Variants in SOX5 observed in about 807,000 individuals in gnomAD.
SOX5 encodes SRY-box transcription factor 5, also known as transcription factor SOX-5.
A neutral mutation model predicts 92.0 loss-of-function variants in SOX5; 9 were observed. The ratio of observed to expected loss-of-function variants is 0.10; its 90% CI spans 0.06 to 0.17. The LOEUF (loss-of-function observed/expected upper bound fraction) is 0.17, where lower values mean the gene tolerates loss of function less well. Among genes scored for constraint, SOX5 ranks in the 10% least tolerant of loss-of-function variants. SOX5 has a pLI of 1.00. For missense variants in SOX5, 642 were observed against 944.5 expected, an observed-to-expected ratio of 0.68 and a Z score of 4.20; for synonymous variants, 344 against 336.3, an observed-to-expected ratio of 1.02 and a Z score of -0.25.
chr12:24,105,429 T>C (rs1376931351), intron 4 of SOX5, among the ~76,000 whole-genome samples: 1 of 151,992 alleles, frequency 6.6e-6, no homozygotes, highest in East Asian at 1.9e-4. Context: ...TAATCCCAGC[T>C]ACTTGGGAGA....
At chr12:24,211,384 A>T (rs1565665771) in intron 4 of SOX5, among the ~76,000 whole-genome samples, 1 of 152,148 alleles carries the variant, frequency 6.6e-6, no homozygotes, top group Non-Finnish European at 1.5e-5. Flanking sequence ...GCTCTGGGAG[A>T]GTAGGAATTT....
chr12:24,320,821 C>T lies in SOX5; in HGVS notation c.-173-43509G>A, dbSNP rs375559015. ...CGGAGCTTGCAGTGAGCTGAGATGG[C>T]GCCACTACACTCCAGCCTGGGCGAC... On this transcript the variant is annotated intron_variant, in intron 2 of 4. Coordinates refer to the SOX5 transcript ENST00000446891. Among the ~76,000 whole-genome samples, 3 of 150,840 alleles carry T rather than the reference C, an allele frequency of 2.0e-5. No individual in the cohort carries two copies. In the East Asian group the frequency reaches 5.9e-4, roughly 30 times the overall value.
intron 8 of SOX5, among the ~76,000 whole-genome samples, chr12:23,625,542 A>G (rs1270791081): frequency 1.3e-5 from 2 of 152,186 alleles, no homozygotes; most frequent in African/African-American, 4.8e-5. Flanking sequence ...CCCCAATTCC[A>G]GCTCTTGACT....
At position 24,539,157 on chromosome 12, in the gene SOX5, C is replaced by T. The variant is rs372834039; in HGVS notation, c.-251+23172G>A. 6.6e-5 allele frequency among the ~76,000 whole-genome samples: 10 copies of T among 151,992 alleles called. No individual in the cohort carries two copies. In the East Asian group the frequency reaches 1.2e-3, roughly 18 times the overall value. On this transcript the variant is annotated intron_variant, in intron 1 of 4. Coordinates refer to the SOX5 transcript ENST00000446891. The stretch of plus-strand genomic sequence containing the variant: ...AGCCAATTTCATTAATATAAACCAA[C>T]GTGTTTAAAAAGAACAAAGTACCTA...
intron 6 of SOX5, among the ~76,000 whole-genome samples, chr12:23,710,164 C>CT (rs1245819117): frequency 6.6e-6 from 1 of 151,826 alleles, no homozygotes; most frequent in Non-Finnish European, 1.5e-5. Flanking sequence ...AGAGAAAGTT[C>CT]TTTGTTGGAT....
intron 1 of SOX5, among the ~76,000 whole-genome samples, chr12:24,430,815 C>G (rs1369715945): frequency 6.6e-6 from 1 of 152,080 alleles, no homozygotes; most frequent in Non-Finnish European, 1.5e-5. Context: ...TTATTCCTAC[C>G]AAGATACTGG....
Position 23,530,818 on chromosome 12 carries a change from T to TGTGTGTGTGTGTGCGCGCGCGC in SOX5, c.*3400_*3401insGCGCGCGCGCACACACACACAC. ...GGGCAAGTGTGTGTGTGTGTGTGTGTGCGCGCGCGCGCGCGCGCATGTGAG... is the reference window on the plus strand; with the variant it reads ...GGGCAAGTGTGTGTGTGTGTGTGTGTGTGTGTGTGTGTGCGCGCGCGCGCGCGCGCGCGCGCGCGCATGTGAG... On this transcript the variant is annotated 3_prime_UTR_variant, in exon 15 of 15. Transcript: ENST00000451604. The TGTGTGTGTGTGTGCGCGCGCGC allele has an allele frequency of 3.8e-5, 5 of 132,052 alleles. No individual in the cohort carries two copies. Among genetic ancestry groups the TGTGTGTGTGTGTGCGCGCGCGC allele is most frequent in the East Asian group, 2.5e-4 (1 of 3,968 alleles). The allele number at this position is 132,052 out of a possible 1,614,324, so 8.2% of individuals were successfully genotyped here.
intron 1 of SOX5, among the ~76,000 whole-genome samples, chr12:24,445,443 A>G (rs1941326992): frequency 6.6e-6 from 1 of 152,072 alleles, no homozygotes; most frequent in Admixed American, 6.5e-5. Flanking sequence ...GATAGAGTCT[A>G]AAGTGGATTA....
At chr12:24,150,750 T>C (rs1951571902) in intron 4 of SOX5, among the ~76,000 whole-genome samples, 1 of 152,098 alleles carries the variant, frequency 6.6e-6, no homozygotes, top group African/African-American at 2.4e-5. Context: ...TACCTCACAT[T>C]CAGCAGAGAC....
At chr12:24,207,908 G>A (rs6487377) in intron 4 of SOX5, among the ~76,000 whole-genome samples, 130,381 of 152,192 alleles carry the variant, frequency 0.86, 55,890 homozygotes, top group East Asian at 0.98. Context: ...CAATATATCA[G>A]TATTGGTAAC....
intron 2 of SOX5, among the ~76,000 whole-genome samples, chr12:23,852,313 C>T (rs138060835): frequency 2.5e-4 from 38 of 152,100 alleles, no homozygotes; most frequent in Admixed American, 1.4e-3. Flanking sequence ...AGCACACTCT[C>T]GGGGCAGACT....
At position 23,796,880 on chromosome 12, in the gene SOX5, AAT is replaced by A. The variant is rs1187106925; in HGVS notation, c.482-41158_482-41157del. ...AAATATATTTATAAATTTATATATA[AAT>A]ATATATAAATATTTATATATATATT... On this transcript the variant is annotated intron_variant, in intron 3 of 14. Coordinates refer to ENST00000451604, the MANE Select transcript of SOX5 (RefSeq NM_006940.6). 2.2e-5 allele frequency among the ~76,000 whole-genome samples: 3 copies of A among 137,832 alleles called. No homozygotes were observed. In the East Asian group the frequency reaches 6.8e-4, roughly 31 times the overall value. 90.4% of individuals were successfully genotyped at this position (137,832 alleles called of 152,430 possible).
chr12:23,997,380 C>A (rs991075715), intron 4 of SOX5, among the ~76,000 whole-genome samples: 3 of 152,070 alleles, frequency 2.0e-5, no homozygotes, highest in African/African-American at 7.2e-5. Context: ...CTTGGATGGC[C>A]AACAGTCAGA....
At chr12:24,306,931 G>A (rs1284066153) in intron 2 of SOX5, among the ~76,000 whole-genome samples, 1 of 152,094 alleles carries the variant, frequency 6.6e-6, no homozygotes, top group East Asian at 1.9e-4. Flanking sequence ...ATTATATAAT[G>A]TCCATCACCT....
Position 24,476,995 on chromosome 12 carries a change from CAAA to C in SOX5, c.-251+85331_-251+85333del, listed in dbSNP as rs11385447. The stretch of plus-strand genomic sequence containing the variant: ...CCAGGCAACAAAACAAGACCCCTCT[CAAA>C]AAAAAAAAAAAAAAAAAAAGAGTTC... On this transcript the variant is annotated intron_variant, in intron 1 of 4. Transcript: ENST00000446891. Among the ~76,000 whole-genome samples, 7 of 53,640 alleles carry C rather than the reference CAAA, an allele frequency of 1.3e-4. No homozygotes were observed. In the South Asian group the frequency reaches 3.6e-3, roughly 28 times the overall value. The allele number at this position is 53,640 out of a possible 152,430, so 35.2% of individuals were successfully genotyped here.
At chr12:24,474,860 G>T (rs567633930) in intron 1 of SOX5, among the ~76,000 whole-genome samples, 2 of 145,490 alleles carry the variant, frequency 1.4e-5, no homozygotes, top group African/African-American at 5.1e-5. Context: ...CTTAGTGAGA[G>T]TTTTTTTTTG....
intron 2 of SOX5, among the ~76,000 whole-genome samples, chr12:23,855,172 TTA>T (rs2096673484): frequency 6.6e-6 from 1 of 152,050 alleles, no homozygotes; most frequent in African/African-American, 2.4e-5. Context: ...CAAGCAGTTT[TTA>T]TAGTTTTTTC....
chr12:24,351,050 C>A (rs997428287), intron 2 of SOX5, among the ~76,000 whole-genome samples: 1 of 151,704 alleles, frequency 6.6e-6, no homozygotes, highest in South Asian at 2.1e-4. Flanking sequence ...AGAGCAAGAG[C>A]GAGACTCTAT....
At chr12:23,758,202 C>A (rs1434830390) in intron 3 of SOX5, among the ~76,000 whole-genome samples, 1 of 151,710 alleles carries the variant, frequency 6.6e-6, no homozygotes, top group Non-Finnish European at 1.5e-5. Context: ...GCCTATGTGC[C>A]AGAAACTATG....
Sources: allele counts gnomAD v4.1 joint callset (sites outside exome capture counted in the v4.1 genomes callset), GRCh38; gene constraint gnomAD v4.1.1; transcripts MANE v1.5; gene names NCBI Gene and HGNC (gene_info 2026-07-23, HGNC 2026-07-21).